Variants in WDR44 observed in about 807,000 individuals in gnomAD.
WDR44 encodes the protein WD repeat domain 44.
Under a neutral mutation model 65.7 loss-of-function variants are expected in WDR44, and 9 were observed. The ratio of observed to expected loss-of-function variants is 0.14; its 90% CI spans 0.08 to 0.24. The LOEUF is 0.24. Among genes scored for constraint, WDR44 ranks in the 10% least tolerant of loss-of-function variants. The pLI, the probability that WDR44 is intolerant of heterozygous loss-of-function variation, is 1.00. For missense variants in WDR44, 425 were observed against 670.9 expected, an observed-to-expected ratio of 0.63 and a Z score of 4.05; for synonymous variants, 220 against 235.2, an observed-to-expected ratio of 0.94 and a Z score of 0.59.
At chrX:118,370,828 C>G (rs986157233) in intron 1 of WDR44, among the ~76,000 whole-genome samples, 1 of 110,105 alleles carries the variant, frequency 9.1e-6, no homozygotes, top group Non-Finnish European at 1.9e-5. Context: ...GTGATCCACC[C>G]GCCCCATCCT....
At chrX:118,442,513 T>C (rs1403390184) in intron 16 of WDR44, 52 bp from the exon 17 acceptor site, 1 of 1,106,458 alleles carries the variant, frequency 9.0e-7, no homozygotes, top group African/African-American at 1.8e-5. Context: ...GGTTGTAGCT[T>C]AGCTTGTACT....
At chrX:118,442,172 G>T in intron 15 of WDR44, 72 bp from the exon 16 acceptor site, 12 of 940,803 alleles carry the variant, frequency 1.3e-5, no homozygotes, top group Non-Finnish European at 1.4e-5. Flanking sequence ...CTCCTGAGTA[G>T]CTAGAGTTAC....
At chrX:118,435,424 G>A (rs1402209614) in intron 13 of WDR44, among the ~76,000 whole-genome samples, 1 of 110,123 alleles carries the variant, frequency 9.1e-6, no homozygotes, top group African/African-American at 3.4e-5. Flanking sequence ...AATTACAGGC[G>A]TGGGCCACCA....
intron 1 of WDR44, among the ~76,000 whole-genome samples, chrX:118,353,357 G>C (rs1186664008): frequency 9.0e-6 from 1 of 111,160 alleles, no homozygotes; most frequent in African/African-American, 3.3e-5. Flanking sequence ...AATTTATCTT[G>C]GTTACTATAG....
At chrX:118,384,732 A>G (rs1028536049) in intron 2 of WDR44, among the ~76,000 whole-genome samples, 1 of 111,810 alleles carries the variant, frequency 8.9e-6, no homozygotes, top group African/African-American at 3.3e-5. Context: ...GTGGTAGTTT[A>G]ATAGTAATGG....
At chrX:118,374,305 A>T (rs1418097984) in intron 1 of WDR44, among the ~76,000 whole-genome samples, 1 of 112,043 alleles carries the variant, frequency 8.9e-6, no homozygotes, top group African/African-American at 3.2e-5. Flanking sequence ...GGCACATGAT[A>T]CAAATCATTT....
chrX:118,351,637 G>A (rs776808558), intron 1 of WDR44, among the ~76,000 whole-genome samples: 11 of 111,432 alleles, frequency 9.9e-5, no homozygotes, highest in Non-Finnish European at 1.9e-4. Context: ...ATATTAGTTA[G>A]TAAATTCAAG....
intron 14 of WDR44, among the ~76,000 whole-genome samples, chrX:118,437,329 T>A (rs907738582): frequency 3.6e-5 from 4 of 112,234 alleles, no homozygotes; most frequent in African/African-American, 1.3e-4. Flanking sequence ...AAATAAAGTA[T>A]TTCATATGAT....
intron 4 of WDR44, among the ~76,000 whole-genome samples, chrX:118,393,680 TAAA>T (rs1027934777): frequency 1.8e-5 from 2 of 112,148 alleles, no homozygotes; most frequent in Admixed American, 1.9e-4. Flanking sequence ...TTCACTTTAT[TAAA>T]AAACTCACTG....
chrX:118,397,002 G>A lies in WDR44; in HGVS notation c.1086G>A (p.Leu362=). ...TAGCCAGTGTAATGATTAAGAACCT[G>A]GATACTGGAGAAGAAATACCTTTGA... ...EILASVMIKN[L]DTGEEIPLSL... Residue 362 remains leucine, a synonymous_variant, in exon 7 of 20, where the codon CTG becomes CTA. Coordinates refer to ENST00000254029, the MANE Select transcript of WDR44 (RefSeq NM_019045.5). 8.4e-7 allele frequency: 1 copy of A among 1,190,562 alleles called. No individual in the cohort carries two copies. Among genetic ancestry groups the A allele is most frequent in the Non-Finnish European group, 1.1e-6 (1 of 887,604 alleles).
chrX:118,424,349 G>GTATATATATGTA (rs1569379570), intron 12 of WDR44, among the ~76,000 whole-genome samples: 2 of 56,197 alleles, frequency 3.6e-5, no homozygotes, highest in East Asian at 7.0e-4. Context: ...ATATATATAT[G>GTATATATATGTA]TATATATATA....
chrX:118,439,832 A>C (rs893046656), intron 14 of WDR44, among the ~76,000 whole-genome samples: 109 of 107,884 alleles, frequency 1.0e-3, no homozygotes, highest in Admixed American at 4.1e-3. Flanking sequence ...GAAGAAGAAG[A>C]ATCTTGGCTG....
At chrX:118,410,189 C>A (rs754874871) in intron 11 of WDR44, among the ~76,000 whole-genome samples, 1 of 111,516 alleles carries the variant, frequency 9.0e-6, no homozygotes, top group South Asian at 3.7e-4. Flanking sequence ...TTTCTAATAA[C>A]TATTTAACTG....
chrX:118,388,829 C>T (rs1327253342), intron 3 of WDR44, among the ~76,000 whole-genome samples: 1 of 111,703 alleles, frequency 9.0e-6, no homozygotes, highest in African/African-American at 3.3e-5. Context: ...ATTTTATATT[C>T]TGTCTTTTAC....
intron 2 of WDR44, 41 bp downstream of exon 2, chrX:118,378,493 A>G (rs888851526): frequency 8.8e-7 from 1 of 1,132,088 alleles, no homozygotes; most frequent in Non-Finnish European, 1.2e-6. Context: ...TAGAAATTGT[A>G]TACTTTTTAT....
chrX:118,443,795 A>AAAGT, intron 18 of WDR44, 108 bp downstream of exon 18: 1 of 867,104 alleles, frequency 1.2e-6, no homozygotes, highest in Non-Finnish European at 1.5e-6. Flanking sequence ...CTGTAATCCC[A>AAAGT]GCACTTTGGG....
rs780093903 is a variant in WDR44, at chrX:118,436,547, C to A, written c.1852-155C>A. On this transcript the variant is annotated intron_variant, in intron 13 of 19. Transcript: ENST00000254029. ...TTAACTGTTTGGGGGAAAATAGGATCTTCCAAGTGAATTTGATAATCTTTT... is the reference window on the plus strand; with the variant it reads ...TTAACTGTTTGGGGGAAAATAGGATATTCCAAGTGAATTTGATAATCTTTT... The A allele has an allele frequency of 2.4e-4, 160 of 674,513 alleles. 1 individual carries two copies. The East Asian group carries it at 5.4e-3, about 23-fold the overall frequency. The allele number at this position is 674,513 out of a possible 1,213,427, so 55.6% of individuals were successfully genotyped here. A position where few individuals can be genotyped will look rare whatever the true frequency, so the allele number is the denominator to read the frequency against.
intron 17 of WDR44, among the ~76,000 whole-genome samples, chrX:118,443,210 CTCT>C (rs1451213475): frequency 8.9e-6 from 1 of 111,984 alleles, no homozygotes; most frequent in Non-Finnish European, 1.9e-5. Flanking sequence ...CTTTCTAGCC[CTCT>C]TCTTTTGCCG....
In WDR44 at chrX:118,420,254, T is replaced by G. The variant is rs772708030; in HGVS notation, c.1737+9295T>G. 4.4e-3 allele frequency among the ~76,000 whole-genome samples: 490 copies of G among 111,099 alleles called. 1 individual carries two copies. Among genetic ancestry groups the G allele is most frequent in the African/African-American group, 0.015 (460 of 30,495 alleles). On this transcript the variant is annotated intron_variant, in intron 12 of 19. Coordinates refer to ENST00000254029, the MANE Select transcript of WDR44 (RefSeq NM_019045.5). Reference sequence around the variant, plus strand: ...CTGTGCCATTGTGTGGTTTAAAATTTTTTTTTCTTTTTTTTGAGACAGAGT... The same window carrying G: ...CTGTGCCATTGTGTGGTTTAAAATTGTTTTTTCTTTTTTTTGAGACAGAGT...
Sources: allele counts gnomAD v4.1 joint callset (sites outside exome capture counted in the v4.1 genomes callset), GRCh38; gene constraint gnomAD v4.1.1; transcripts MANE v1.5; gene names NCBI Gene and HGNC (gene_info 2026-07-23, HGNC 2026-07-21).